The following KLF17 variants were observed in gnomAD, a reference collection of about 807,000 sequenced individuals.
KLF17 encodes the protein Krueppel-like factor 17.
Under a neutral mutation model 34.2 loss-of-function variants are expected in KLF17, and 31 were observed. The observed-to-expected ratio is 0.91, with a 90% CI of 0.68 to 1.22. KLF17 has a LOEUF of 1.22. KLF17 is among the 50% of genes most tolerant of loss of function. The probability of loss-of-function intolerance (pLI) is 0.00; values close to 1 mark genes in which losing one functional copy is unlikely to be tolerated. For missense variants in KLF17, 478 were observed against 505.2 expected (o/e 0.95, Z 0.52); for synonymous variants, 179 against 186.7 (o/e 0.96, Z 0.34).
chr1:44,109,638 A>G, the KLF17 span, among the ~76,000 whole-genome samples: 6,574 of 152,202 alleles, frequency 0.043, 183 homozygotes, highest in African/African-American at 0.078. Flanking sequence ...CTTATGGAGA[A>G]AATAATCTGT....
At chr1:44,057,796 T>C in the KLF17 span, among the ~76,000 whole-genome samples, 1 of 152,182 alleles carries the variant, frequency 6.6e-6, no homozygotes. Context: ...TTCCAGACTG[T>C]AAAGTGGGTC....
At chr1:44,072,525 A>AAAATAAATAAAT in the KLF17 span, among the ~76,000 whole-genome samples, 1,018 of 150,754 alleles carry the variant, frequency 6.8e-3, 14 homozygotes, top group Middle Eastern at 0.024. Context: ...TGTCTCTACA[A>AAAATAAATAAAT]AAATAAATAA....
chr1:44,131,656 T>A (rs1218771276), intron 3 of KLF17, among the ~76,000 whole-genome samples: 1 of 152,168 alleles, frequency 6.6e-6, no homozygotes, highest in Non-Finnish European at 1.5e-5. Context: ...GGGCATGGGA[T>A]CTGGCATCCC....
chr1:44,128,491 A>C (rs1274838909), intron 1 of KLF17, among the ~76,000 whole-genome samples: 2 of 152,078 alleles, frequency 1.3e-5, no homozygotes, highest in Non-Finnish European at 2.9e-5. Context: ...CCTTTTTTTA[A>C]GAAGTGTTTT....
At chr1:44,105,882 A>G in the KLF17 span, among the ~76,000 whole-genome samples, 1 of 152,122 alleles carries the variant, frequency 6.6e-6, no homozygotes, top group Non-Finnish European at 1.5e-5. Context: ...TGGCCTCTGC[A>G]GCCAGGTTCA....
chr1:44,070,999 G>A, the KLF17 span, among the ~76,000 whole-genome samples: 4 of 152,288 alleles, frequency 2.6e-5, no homozygotes, highest in East Asian at 3.9e-4. Flanking sequence ...TTTTAAAGGT[G>A]TTAATTCAGC....
At chr1:44,100,489 C>T in the KLF17 span, among the ~76,000 whole-genome samples, 1 of 151,922 alleles carries the variant, frequency 6.6e-6, no homozygotes, top group Non-Finnish European at 1.5e-5. Flanking sequence ...GGGGGGGAAC[C>T]TATGATGTAA....
At chr1:44,055,673 G>C in the KLF17 span, among the ~76,000 whole-genome samples, 1 of 152,166 alleles carries the variant, frequency 6.6e-6, no homozygotes, top group African/African-American at 2.4e-5. Context: ...TGCTAGAGCT[G>C]TTAGTGTACC....
At chr1:44,064,183 G>C in the KLF17 span, among the ~76,000 whole-genome samples, 2 of 152,094 alleles carry the variant, frequency 1.3e-5, no homozygotes, top group African/African-American at 2.4e-5. Flanking sequence ...ATGGCAACAA[G>C]GGAAAAACCA....
intron 1 of KLF17, among the ~76,000 whole-genome samples, chr1:44,127,700 CT>C (rs1427151546): frequency 5.8e-4 from 59 of 101,198 alleles, no homozygotes; most frequent in African/African-American, 2.4e-3. Flanking sequence ...CTTTTTCTTT[CT>C]TTCTTTCTTT....
At chr1:44,090,441 C>T in the KLF17 span, among the ~76,000 whole-genome samples, 1 of 150,874 alleles carries the variant, frequency 6.6e-6, no homozygotes, top group Non-Finnish European at 1.5e-5. Context: ...CTTTAAATTA[C>T]CTGTAAGTAG....
At chr1:44,061,198 A>C in the KLF17 span, 1 of 152,250 alleles carries the variant, frequency 6.6e-6, no homozygotes, top group Non-Finnish European at 1.5e-5. Flanking sequence ...GGAGAATGAA[A>C]GTGTCCTGCC....
chr1:44,115,450 C>CAAAAAAAAAAAAAAAAAAAAAAACAAA (rs34620805), upstream of KLF17: 1 of 74,674 alleles, frequency 1.3e-5, no homozygotes, highest in Non-Finnish European at 2.3e-5. Flanking sequence ...GACTCTGTGT[C>CAAAAAAAAAAAAAAAAAAAAAAACAAA]AAAAAAAAAA....
the KLF17 span, chr1:44,051,322 G>A: frequency 2.0e-5 from 3 of 152,250 alleles, no homozygotes; most frequent in East Asian, 3.8e-4. Context: ...CAAGTAAGTG[G>A]CCATACTGCT....
Position 44,118,846 on chromosome 1 carries a change from C to A in KLF17, c.-62C>A. ...GTGGCGATGTACCGATACCCGCCTG[C>A]GACGCCGTGGTGGCTGGTTCCCTGT... On this transcript the variant is annotated 5_prime_UTR_variant, in exon 1 of 4. Transcript: ENST00000372299. 2 of 1,322,648 alleles carry A rather than the reference C, an allele frequency of 1.5e-6. No homozygotes were observed. Among genetic ancestry groups the A allele is most frequent in the Admixed American group, 2.5e-5 (1 of 39,950 alleles). 81.9% of individuals were successfully genotyped at this position (1,322,648 alleles called of 1,614,324 possible).
At chr1:44,102,605 C>A in the KLF17 span, among the ~76,000 whole-genome samples, 1 of 99,126 alleles carries the variant, frequency 1.0e-5, no homozygotes, top group African/African-American at 3.3e-5. Flanking sequence ...CACACACACA[C>A]ACACACACAG....
the KLF17 span, among the ~76,000 whole-genome samples, chr1:44,089,405 C>G: frequency 6.6e-6 from 1 of 152,220 alleles, no homozygotes; most frequent in Non-Finnish European, 1.5e-5. Flanking sequence ...GGAGCAAACA[C>G]TGTACATCAA....
chr1:44,124,077 T>C (rs1344672300), intron 1 of KLF17, among the ~76,000 whole-genome samples: 1 of 152,168 alleles, frequency 6.6e-6, no homozygotes, highest in East Asian at 1.9e-4. Context: ...TGTGTATGTC[T>C]GTTAGATCTA....
chr1:44,111,190 G>A, the KLF17 span, among the ~76,000 whole-genome samples: 1 of 149,278 alleles, frequency 6.7e-6, no homozygotes, highest in Non-Finnish European at 1.5e-5. Flanking sequence ...ATGAAGAAGT[G>A]TCACTGTGTT....
Sources: allele counts gnomAD v4.1 joint callset (sites outside exome capture counted in the v4.1 genomes callset), GRCh38; gene constraint gnomAD v4.1.1; transcripts MANE v1.5; gene names NCBI Gene and HGNC (gene_info 2026-07-23, HGNC 2026-07-21).